The following POU2F3 variants were observed in gnomAD, a reference collection of about 807,000 sequenced individuals.
The protein encoded by POU2F3 is POU domain, class 2, transcription factor 3.
A neutral mutation model predicts 59.2 loss-of-function variants in POU2F3; 23 were observed. That is an observed-to-expected ratio of 0.39 (90% CI 0.28 to 0.55). The LOEUF is 0.55. Ranked by LOEUF, POU2F3 falls within the 20% of genes least tolerant of loss-of-function variation. The probability of loss-of-function intolerance (pLI) is 0.66; values close to 1 mark genes in which losing one functional copy is unlikely to be tolerated. For synonymous variants in POU2F3, 190 were observed against 214.6 expected, an observed-to-expected ratio of 0.89 and a Z score of 1.00; for missense variants, 473 against 544.5, an observed-to-expected ratio of 0.87 and a Z score of 1.31.
At chr11:120,303,472 A>T (rs540375474) in intron 6 of POU2F3, 3 of 152,390 alleles carry the variant, frequency 2.0e-5, no homozygotes, top group Non-Finnish European at 2.9e-5. Flanking sequence ...GATTGAGGAG[A>T]TGCTTTGGGA....
At chr11:120,242,697 C>A (rs1395263372) in intron 1 of POU2F3, among the ~76,000 whole-genome samples, 7 of 152,142 alleles carry the variant, frequency 4.6e-5, no homozygotes, top group African/African-American at 1.7e-4. Flanking sequence ...CTGGAGTTAG[C>A]CCCATTGTCT....
At chr11:120,278,721 T>C (rs1940437442) in intron 3 of POU2F3, among the ~76,000 whole-genome samples, 1 of 152,064 alleles carries the variant, frequency 6.6e-6, no homozygotes, top group East Asian at 1.9e-4. Context: ...CAGGAGATAA[T>C]TGGCAAGATT....
intron 3 of POU2F3, among the ~76,000 whole-genome samples, chr11:120,270,778 G>T (rs966192340): frequency 4.9e-4 from 74 of 152,244 alleles, no homozygotes; most frequent in African/African-American, 1.7e-3. Context: ...CTGCAGCCTT[G>T]ACTTCTGGGG....
intron 3 of POU2F3, among the ~76,000 whole-genome samples, chr11:120,275,840 C>A (rs896063086): frequency 2.6e-5 from 4 of 152,146 alleles, no homozygotes; most frequent in Non-Finnish European, 4.4e-5. Context: ...CCCTGGTGTG[C>A]CCTAGTGTAG....
chr11:120,263,805 A>C (rs1269138191), intron 2 of POU2F3, among the ~76,000 whole-genome samples: 1 of 152,212 alleles, frequency 6.6e-6, no homozygotes. Context: ...GCCATCTTCC[A>C]AAGACGGAGC....
chr11:120,308,703 C>T lies in POU2F3; in HGVS notation c.907-722C>T, dbSNP rs534492930. The stretch of plus-strand genomic sequence containing the variant: ...CTGTAATCCCAGCACTTTGGGAGGC[C>T]GAGGCAGGTGGATCACCTGAGGTCA... On this transcript the variant is annotated intron_variant, in intron 9 of 12. Transcript: ENST00000543440. Among the ~76,000 whole-genome samples the T allele has an allele frequency of 9.9e-5, 15 of 151,766 alleles. 1 individual carries two copies. The highest frequency in any genetic ancestry group is 4.6e-4 in the Admixed American group (7 of 15,230).
chr11:120,268,846 T>TC (rs774694226), intron 2 of POU2F3, among the ~76,000 whole-genome samples: 2 of 152,124 alleles, frequency 1.3e-5, no homozygotes, highest in African/African-American at 2.4e-5. Context: ...GGTCCCTTGG[T>TC]CCCTGGAGGG....
chr11:120,251,614 G>A (rs1199508897), intron 2 of POU2F3, among the ~76,000 whole-genome samples: 1 of 152,104 alleles, frequency 6.6e-6, no homozygotes, highest in African/African-American at 2.4e-5. Context: ...AGACATGGAG[G>A]GGGTCCTGAT....
In POU2F3 at chr11:120,246,589, G is replaced by A. The variant is rs754352620; in HGVS notation, c.97+72G>A. On this transcript the variant is annotated intron_variant, in intron 2 of 12. Transcript: ENST00000543440. ...GTTGTTGGGAATTGTTGAACAACTG[G>A]TGTCTCTTCTTGCTTGGTCTTTCAG... 17 of 1,524,388 alleles carry A rather than the reference G, an allele frequency of 1.1e-5. No individual in the cohort carries two copies. In the East Asian group the frequency reaches 1.4e-4, roughly 12 times the overall value. 94.4% of individuals were successfully genotyped at this position (1,524,388 alleles called of 1,614,324 possible). A position where few individuals can be genotyped will look rare whatever the true frequency, so the allele number is the denominator to read the frequency against.
chr11:120,284,969 G>C (rs1265497943), intron 3 of POU2F3, among the ~76,000 whole-genome samples: 1 of 152,138 alleles, frequency 6.6e-6, no homozygotes, highest in Non-Finnish European at 1.5e-5. Context: ...ACCCTCAGCG[G>C]TGAAATTTTA....
At chr11:120,260,499 G>A (rs1418324823) in intron 2 of POU2F3, among the ~76,000 whole-genome samples, 2 of 152,198 alleles carry the variant, frequency 1.3e-5, no homozygotes, top group African/African-American at 4.8e-5. Context: ...GCACTTCATT[G>A]GGTATTATGG....
chr11:120,250,187 G>A (rs1157200946), intron 2 of POU2F3: 1 of 152,064 alleles, frequency 6.6e-6, no homozygotes, highest in African/African-American at 2.4e-5. Flanking sequence ...CTTTTTCCTG[G>A]TTTTCTCCCC....
chr11:120,282,524 C>A (rs528155568), intron 3 of POU2F3, among the ~76,000 whole-genome samples: 3 of 152,094 alleles, frequency 2.0e-5, no homozygotes, highest in African/African-American at 7.2e-5. Flanking sequence ...GGCATGGTGG[C>A]GGGCACCTGT....
intron 2 of POU2F3, among the ~76,000 whole-genome samples, chr11:120,258,233 T>G (rs1939433229): frequency 1.3e-5 from 2 of 152,064 alleles, no homozygotes; most frequent in South Asian, 4.2e-4. Flanking sequence ...TTCCTCACCC[T>G]GGGGGAGAGG....
Position 120,317,178 on chromosome 11 carries a change from G to A in POU2F3, c.1136-51G>A, listed in dbSNP as rs757576952. On this transcript the variant is annotated intron_variant, in intron 11 of 12. Transcript: ENST00000543440. ...CTGAGGGGCTATGTCCCGATGTCCCGGGATCCAGCAGCATTATTTCCCCCT... is the reference window on the plus strand; with the variant it reads ...CTGAGGGGCTATGTCCCGATGTCCCAGGATCCAGCAGCATTATTTCCCCCT... 14 of 1,605,172 alleles carry A rather than the reference G, an allele frequency of 8.7e-6. 1 individual carries two copies. In the East Asian group the frequency reaches 1.3e-4, roughly 15 times the overall value.
rs556812510 is a variant in POU2F3 at position 120,295,047 on chromosome 11, A to G, written c.133-3218A>G. Among the ~76,000 whole-genome samples the G allele has an allele frequency of 4.6e-5, 7 of 152,340 alleles. No homozygotes were observed. In the South Asian group the frequency reaches 1.5e-3, roughly 32 times the overall value. ...TCAGAAAGCCCCCAAACTTACACCC[A>G]AAGGGCTTTTCTGCTATCACGCACT... is the stretch of plus-strand genomic sequence containing the variant. On this transcript the variant is annotated intron_variant, in intron 3 of 12. Transcript: ENST00000543440.
At chr11:120,306,739 C>A (rs1260039312) in intron 8 of POU2F3, among the ~76,000 whole-genome samples, 2 of 152,120 alleles carry the variant, frequency 1.3e-5, no homozygotes, top group South Asian at 4.1e-4. Flanking sequence ...GGTGGGGCAG[C>A]CAGCCAGGGC....
intron 3 of POU2F3, among the ~76,000 whole-genome samples, chr11:120,277,714 G>A (rs1017388294): frequency 2.6e-5 from 4 of 151,854 alleles, no homozygotes; most frequent in South Asian, 4.2e-4. Context: ...TCCGGGAGGC[G>A]GAGGTTGCAG....
chr11:120,302,085 G>T, intron 5 of POU2F3: 1 of 568,832 alleles, frequency 1.8e-6, no homozygotes, highest in Non-Finnish European at 3.2e-6. Context: ...GTTTATCCCT[G>T]TATCTGATTT....
Sources: allele counts gnomAD v4.1 joint callset (sites outside exome capture counted in the v4.1 genomes callset), GRCh38; gene constraint gnomAD v4.1.1; transcripts MANE v1.5; gene names NCBI Gene and HGNC (gene_info 2026-07-23, HGNC 2026-07-21).